Variants in ERI1 observed in about 807,000 individuals in gnomAD.
ERI1 encodes 3'-5' exoribonuclease 1.
A neutral mutation model predicts 39.7 loss-of-function variants in ERI1; 39 were observed. The observed-to-expected ratio is 0.98, with a 90% confidence interval of 0.76 to 1.28. The LOEUF (loss-of-function observed/expected upper bound fraction) is 1.28. Among genes scored for constraint, ERI1 ranks in the 50% most tolerant of loss-of-function variants. The probability of loss-of-function intolerance (pLI) is 0.00; values close to 1 mark genes in which losing one functional copy is unlikely to be tolerated. For missense variants in ERI1, 581 were observed against 416.9 expected (o/e 1.39, Z -3.43); for synonymous variants, 204 against 149.6 (o/e 1.36, Z -2.65).
chr8:9,046,566 A>G (rs773118878), intron 3 of ERI1, among the ~76,000 whole-genome samples: 38 of 152,218 alleles, frequency 2.5e-4, no homozygotes, highest in Non-Finnish European at 4.4e-4. Flanking sequence ...CTCTTACTCA[A>G]ATAGCATCCC....
chr8:9,056,928 G>A (rs1371589340), intron 3 of ERI1, among the ~76,000 whole-genome samples: 2 of 151,994 alleles, frequency 1.3e-5, no homozygotes, highest in African/African-American at 2.4e-5. Context: ...TTGTCATCTG[G>A]GTTCAAGTGA....
chr8:9,087,005 C>A (rs1422870406), intron 3 of ERI1, among the ~76,000 whole-genome samples: 1 of 151,848 alleles, frequency 6.6e-6, no homozygotes, highest in East Asian at 1.9e-4. Context: ...CTTTGACCTC[C>A]TTCTCACCTT....
intron 6 of ERI1, among the ~76,000 whole-genome samples, chr8:9,023,355 T>G (rs775870762): frequency 3.3e-5 from 5 of 152,178 alleles, no homozygotes; most frequent in African/African-American, 4.8e-5. Context: ...TCGATCCCCT[T>G]TAGGTTCTTT....
intron 3 of ERI1, among the ~76,000 whole-genome samples, chr8:9,098,218 T>C (rs1216434255): frequency 6.6e-6 from 1 of 151,938 alleles, no homozygotes; most frequent in African/African-American, 2.4e-5. Context: ...ACCCTGTCTC[T>C]ACTAAAAATA....
chr8:9,031,207 G>A lies in ERI1; in HGVS notation c.*1173G>A, dbSNP rs1051351572. ...AATTGTGATGCTACTTTATTCTAAA[G>A]ATTTATATTTTATAACCAGATGAAT... On this transcript the variant is annotated 3_prime_UTR_variant, in exon 7 of 7. Coordinates refer to ENST00000250263, the MANE Select transcript of ERI1 (RefSeq NM_153332.4). 2.0e-5 allele frequency: 3 copies of A among 152,090 alleles called. No individual in the cohort carries two copies. The highest frequency in any genetic ancestry group is 2.0e-4 in the Admixed American group (3 of 15,274). 9.4% of individuals were successfully genotyped at this position (152,090 alleles called of 1,614,324 possible). A position where few individuals can be genotyped will look rare whatever the true frequency, so the allele number is the denominator to read the frequency against.
chr8:9,069,040 A>G (rs1040022019), intron 3 of ERI1, among the ~76,000 whole-genome samples: 2 of 152,132 alleles, frequency 1.3e-5, no homozygotes, highest in African/African-American at 4.8e-5. Context: ...GCTGGTCTCG[A>G]ACTCCTGGGC....
chr8:9,010,749 T>C (rs567130546), intron 2 of ERI1, among the ~76,000 whole-genome samples: 1 of 152,262 alleles, frequency 6.6e-6, no homozygotes, highest in East Asian at 1.9e-4. Context: ...TTTGGAAAAA[T>C]ACATATTGTT....
chr8:9,018,488 C>A, intron 5 of ERI1, 82 bp downstream of exon 5: 1 of 791,940 alleles, frequency 1.3e-6, no homozygotes, highest in Non-Finnish European at 2.0e-6. Context: ...TTTAGAATAA[C>A]CACAAACTAT....
intron 6 of ERI1, among the ~76,000 whole-genome samples, chr8:9,027,317 G>T (rs557212987): frequency 1.6e-4 from 24 of 152,056 alleles, no homozygotes; most frequent in Admixed American, 1.4e-3. Context: ...TGTCTATTCA[G>T]ATTCTTTCCT....
Position 9,054,692 on chromosome 8 carries a change from A to C in ERI1, n.299+34228A>C, listed in dbSNP as rs573708138. On this transcript the variant is annotated intron_variant and non_coding_transcript_variant, in intron 3 of 3. Coordinates refer to the ERI1 transcript ENST00000518663. ...GTGATCCCAGCACTTTGGGAGGCCAAGGGGGGCAGATCACTTGAGGCCAAG... is the reference window on the plus strand; with the variant it reads ...GTGATCCCAGCACTTTGGGAGGCCACGGGGGGCAGATCACTTGAGGCCAAG... 9.8e-5 allele frequency among the ~76,000 whole-genome samples: 15 copies of C among 152,374 alleles called. No individual in the cohort carries two copies. The East Asian group carries it at 2.7e-3, about 27-fold the overall frequency.
chr8:9,054,925 C>A (rs1009621532), intron 3 of ERI1, among the ~76,000 whole-genome samples: 1 of 152,088 alleles, frequency 6.6e-6, no homozygotes, highest in Non-Finnish European at 1.5e-5. Flanking sequence ...AAGACTCTGT[C>A]TCAAAAATAA....
intron 3 of ERI1, among the ~76,000 whole-genome samples, chr8:9,051,118 A>G (rs1279476512): frequency 6.6e-6 from 1 of 152,026 alleles, no homozygotes; most frequent in East Asian, 1.9e-4. Context: ...TAATTATATT[A>G]CTTTCCCATA....
chr8:9,039,014 A>G (rs924104930), intron 3 of ERI1, among the ~76,000 whole-genome samples: 3 of 152,094 alleles, frequency 2.0e-5, no homozygotes, highest in Non-Finnish European at 2.9e-5. Context: ...TTTCTTGTTT[A>G]TTTTTGTTGA....
intron 5 of ERI1, among the ~76,000 whole-genome samples, chr8:9,019,024 T>C (rs1817607578): frequency 6.6e-6 from 1 of 152,236 alleles, no homozygotes; most frequent in Non-Finnish European, 1.5e-5. Flanking sequence ...ACATAAGACT[T>C]ACTTTTGCAA....
At chr8:9,016,029 A>G (rs895659865) in intron 3 of ERI1, among the ~76,000 whole-genome samples, 7 of 152,068 alleles carry the variant, frequency 4.6e-5, no homozygotes, top group Admixed American at 1.3e-4. Flanking sequence ...TAGTTTTAAA[A>G]TATTATGAAC....
intron 3 of ERI1, among the ~76,000 whole-genome samples, chr8:9,093,179 C>T (rs1028079167): frequency 6.6e-6 from 1 of 152,120 alleles, no homozygotes; most frequent in Non-Finnish European, 1.5e-5. Context: ...CTTCCCTGGG[C>T]CACATTGGAA....
chr8:9,065,625 G>T (rs547807614), intron 3 of ERI1, among the ~76,000 whole-genome samples: 147 of 150,020 alleles, frequency 9.8e-4, no homozygotes, highest in Admixed American at 2.1e-3. Flanking sequence ...AACCCGGGAG[G>T]CGGAGCTTGC....
At chr8:9,040,717 A>G (rs1219482862) in intron 3 of ERI1, among the ~76,000 whole-genome samples, 1 of 118,822 alleles carries the variant, frequency 8.4e-6, no homozygotes, top group Non-Finnish European at 1.8e-5. Context: ...CATCAGTAAT[A>G]TAGTGTGTGT....
At chr8:9,046,213 TGA>T (rs1182283133) in intron 3 of ERI1, among the ~76,000 whole-genome samples, 7 of 152,336 alleles carry the variant, frequency 4.6e-5, no homozygotes, top group South Asian at 2.1e-4. Flanking sequence ...TTCTCTGTCC[TGA>T]GAAGCGGTTC....
Sources: gnomAD v4.1 joint callset for allele counts (sites outside exome capture counted in the v4.1 genomes callset) on GRCh38, gnomAD v4.1.1 for gene constraint, MANE v1.5 for transcripts, NCBI Gene and HGNC (gene_info 2026-07-23, HGNC 2026-07-21) for gene names.